ATRNL1: variants seen among roughly 807,000 people sequenced by gnomAD.
ATRNL1 encodes attractin like 1.
A neutral mutation model predicts 182.7 loss-of-function variants in ATRNL1; 95 were observed. The ratio of observed to expected loss-of-function variants is 0.52; its 90% CI spans 0.44 to 0.62. ATRNL1 has a LOEUF of 0.62. Among genes scored for constraint, ATRNL1 ranks in the 20% least tolerant of loss-of-function variants. ATRNL1 has a pLI of 0.00. For synonymous variants in ATRNL1, 576 were observed against 568.3 expected, an observed-to-expected ratio of 1.01 and a Z score of -0.19; for missense variants, 1,471 against 1,679.5, an observed-to-expected ratio of 0.88 and a Z score of 2.17.
chr10:115,542,525 A>T (rs1243185467), intron 25 of ATRNL1, among the ~76,000 whole-genome samples: 1 of 152,098 alleles, frequency 6.6e-6, no homozygotes, highest in Non-Finnish European at 1.5e-5. Flanking sequence ...CAAGCCTTGG[A>T]ACTGCTGCGT....
chr10:115,113,730 A>G (rs1382786010), intron 1 of ATRNL1, among the ~76,000 whole-genome samples: 1 of 152,140 alleles, frequency 6.6e-6, no homozygotes, highest in Non-Finnish European at 1.5e-5. Flanking sequence ...TCTTTTGTAA[A>G]TTGCCCAGTC....
Position 115,212,734 on chromosome 10 carries a change from G to C in ATRNL1, c.1349-2963G>C, listed in dbSNP as rs1187972365. Among the ~76,000 whole-genome samples the C allele has an allele frequency of 3.3e-5, 5 of 151,972 alleles. No individual in the cohort carries two copies. The East Asian group carries it at 7.7e-4, about 23-fold the overall frequency. Reference sequence around the variant, plus strand: ...GAGCTGCAGGCCATTATCCTTCACAGATTAACACAGGAACAGAAAACCAAA... The same window carrying C: ...GAGCTGCAGGCCATTATCCTTCACACATTAACACAGGAACAGAAAACCAAA... On this transcript the variant is annotated intron_variant, in intron 8 of 28. Transcript: ENST00000355044.
chr10:115,207,549 T>G (rs1848847126), intron 8 of ATRNL1, among the ~76,000 whole-genome samples: 1 of 152,090 alleles, frequency 6.6e-6, no homozygotes, highest in African/African-American at 2.4e-5. Context: ...GATTTTTTTT[T>G]CTTTTAGTCT....
chr10:115,452,331 A>C (rs1257206287), intron 21 of ATRNL1, among the ~76,000 whole-genome samples: 1 of 152,150 alleles, frequency 6.6e-6, no homozygotes. Flanking sequence ...GATCTTAATG[A>C]CATGCTTTTT....
intron 28 of ATRNL1, among the ~76,000 whole-genome samples, chr10:115,868,480 G>A (rs1192749547): frequency 6.6e-6 from 1 of 152,126 alleles, no homozygotes; most frequent in Non-Finnish European, 1.5e-5. Context: ...GCATGGAGGC[G>A]AGGGCCATCT....
At chr10:115,377,992 A>G (rs1246755044) in intron 19 of ATRNL1, among the ~76,000 whole-genome samples, 1 of 151,964 alleles carries the variant, frequency 6.6e-6, no homozygotes, top group Non-Finnish European at 1.5e-5. Context: ...CTTCTTCTGC[A>G]TTCTTGTAAG....
In ATRNL1 at chr10:115,584,496, G is replaced by A. The variant is rs558439163; in HGVS notation, c.3795+34960G>A. Among the ~76,000 whole-genome samples, 378 of 140,900 alleles carry A rather than the reference G, an allele frequency of 2.7e-3. 2 individuals are homozygous for A. Among genetic ancestry groups the A allele is most frequent in the Non-Finnish European group, 4.6e-3 (293 of 63,754 alleles). 92.4% of individuals were successfully genotyped at this position (140,900 alleles called of 152,430 possible). ...GTCTTGGGAGAGTGTATGTATCGAG[G>A]AATTTATCCATTTCTTCTAGATTTT... is the stretch of plus-strand genomic sequence containing the variant. On this transcript the variant is annotated intron_variant, in intron 26 of 28. Transcript: ENST00000355044.
intron 5 of ATRNL1, among the ~76,000 whole-genome samples, chr10:115,142,972 A>T (rs1452084376): frequency 3.3e-5 from 5 of 152,188 alleles, no homozygotes; most frequent in Non-Finnish European, 7.3e-5. Flanking sequence ...CAAGTTAGAG[A>T]TATCTTTGAG....
intron 25 of ATRNL1, among the ~76,000 whole-genome samples, chr10:115,536,369 T>A (rs1851999942): frequency 6.6e-6 from 1 of 152,182 alleles, no homozygotes; most frequent in Non-Finnish European, 1.5e-5. Flanking sequence ...CTCAGATTGC[T>A]GTGCTAGCAA....
intron 26 of ATRNL1, among the ~76,000 whole-genome samples, chr10:115,681,316 G>A (rs11197407): frequency 0.012 from 1,772 of 152,208 alleles, 34 homozygotes; most frequent in African/African-American, 0.04. Context: ...CAAAGTCACT[G>A]TAATAATAAT....
intron 7 of ATRNL1, among the ~76,000 whole-genome samples, chr10:115,166,615 C>T (rs1160179882): frequency 6.6e-6 from 1 of 151,880 alleles, no homozygotes; most frequent in Non-Finnish European, 1.5e-5. Flanking sequence ...TAATGAGTAT[C>T]TCACTGTGAT....
At chr10:115,657,928 T>TAAC (rs1860427630) in intron 26 of ATRNL1, among the ~76,000 whole-genome samples, 1 of 152,104 alleles carries the variant, frequency 6.6e-6, no homozygotes, top group African/African-American at 2.4e-5. Flanking sequence ...ACTTATGTAA[T>TAAC]AACATAATTG....
At chr10:115,442,756 T>G (rs1400191392) in intron 21 of ATRNL1, among the ~76,000 whole-genome samples, 5 of 152,092 alleles carry the variant, frequency 3.3e-5, no homozygotes, top group Non-Finnish European at 7.4e-5. Flanking sequence ...TTTATTTGTG[T>G]GATTATTTTT....
At chr10:115,751,982 G>T (rs1402771918) in intron 27 of ATRNL1, among the ~76,000 whole-genome samples, 3 of 151,974 alleles carry the variant, frequency 2.0e-5, no homozygotes, top group Non-Finnish European at 4.4e-5. Context: ...ACTTTACTTC[G>T]TAGATCTGAC....
chr10:115,693,702 T>C (rs950111744), intron 26 of ATRNL1, among the ~76,000 whole-genome samples: 1 of 152,132 alleles, frequency 6.6e-6, no homozygotes, highest in Non-Finnish European at 1.5e-5. Flanking sequence ...TGTATGTTAC[T>C]GTACCGAATG....
At chr10:115,755,443 A>T (rs535788120) in intron 27 of ATRNL1, among the ~76,000 whole-genome samples, 10 of 152,136 alleles carry the variant, frequency 6.6e-5, no homozygotes, top group African/African-American at 2.4e-4. Flanking sequence ...GGTTTTTGTC[A>T]TTGGTTCTGT....
chr10:115,161,794 A>T (rs186264644), intron 6 of ATRNL1, among the ~76,000 whole-genome samples: 9 of 152,178 alleles, frequency 5.9e-5, no homozygotes, highest in Non-Finnish European at 1.3e-4. Flanking sequence ...CAGGTTAGAG[A>T]ATACTTTTCA....
At chr10:115,156,988 G>C (rs1418282892) in intron 5 of ATRNL1, among the ~76,000 whole-genome samples, 1 of 152,006 alleles carries the variant, frequency 6.6e-6, no homozygotes, top group Non-Finnish European at 1.5e-5. Context: ...CGAGAGGTTG[G>C]ATAATGTATA....
intron 19 of ATRNL1, among the ~76,000 whole-genome samples, chr10:115,371,907 TG>T (rs1554948155): frequency 6.6e-6 from 1 of 152,132 alleles, no homozygotes; most frequent in Non-Finnish European, 1.5e-5. Context: ...AAGGACCTGG[TG>T]GGAGATAGTG....
Sources: allele counts gnomAD v4.1 joint callset (sites outside exome capture counted in the v4.1 genomes callset), GRCh38; gene constraint gnomAD v4.1.1; transcripts MANE v1.5; gene names NCBI Gene and HGNC (gene_info 2026-07-23, HGNC 2026-07-21).